The following ZNF469 variants were observed in gnomAD, a reference collection of about 807,000 sequenced individuals.
The protein encoded by ZNF469 is zinc finger protein 469.
In ZNF469, 1 loss-of-function variant was observed where a neutral mutation model predicts 1.0. The ratio of observed to expected loss-of-function variants is 1.00; its 90% CI spans 0.35 to 4.73. ZNF469 has a LOEUF of 4.73. Among genes scored for constraint, ZNF469 ranks in the 30% most tolerant of loss-of-function variants. The pLI is 0.16. For synonymous variants in ZNF469, 2,703 were observed against 2,363.4 expected (o/e 1.14, Z -4.17); for missense variants, 6,100 against 5,356.3 (o/e 1.14, Z -4.33).
At chr16:88,150,809 A>G in the ZNF469 span, among the ~76,000 whole-genome samples, 1 of 151,852 alleles carries the variant, frequency 6.6e-6, no homozygotes, top group Non-Finnish European at 1.5e-5. Flanking sequence ...AAGAACATGA[A>G]ACTGGCCCGG....
the ZNF469 span, among the ~76,000 whole-genome samples, chr16:88,122,020 T>A: frequency 7.0e-6 from 1 of 143,800 alleles, no homozygotes; most frequent in African/African-American, 2.9e-5. Flanking sequence ...GCCACTCGGA[T>A]CACACTCTGT....
the ZNF469 span, among the ~76,000 whole-genome samples, chr16:88,279,240 G>C: frequency 6.8e-6 from 1 of 147,240 alleles, no homozygotes; most frequent in Non-Finnish European, 1.5e-5. Context: ...TGCACGGTTA[G>C]TGCTGTGCCA....
At chr16:88,386,098 C>A (rs1375682007) in intron 1 of ZNF469, among the ~76,000 whole-genome samples, 1 of 152,172 alleles carries the variant, frequency 6.6e-6, no homozygotes, top group East Asian at 1.9e-4. Context: ...CCTTCCCCAT[C>A]TTCTTCCCAG....
At chr16:88,312,127 A>T in the ZNF469 span, among the ~76,000 whole-genome samples, 1 of 152,174 alleles carries the variant, frequency 6.6e-6, no homozygotes, top group Non-Finnish European at 1.5e-5. Context: ...AACCCATCAG[A>T]TCTCATGAGA....
At chr16:88,112,989 A>C in the ZNF469 span, among the ~76,000 whole-genome samples, 2 of 151,862 alleles carry the variant, frequency 1.3e-5, no homozygotes, top group African/African-American at 2.4e-5. Context: ...CGTGTTAGCC[A>C]GGATGGTCTC....
the ZNF469 span, among the ~76,000 whole-genome samples, chr16:88,250,959 A>T: frequency 6.6e-6 from 1 of 150,774 alleles, no homozygotes; most frequent in East Asian, 2.0e-4. Context: ...CTCACTGCAA[A>T]CTCTGCCTCC....
the ZNF469 span, among the ~76,000 whole-genome samples, chr16:88,315,039 A>G: frequency 1.3e-5 from 2 of 151,986 alleles, no homozygotes; most frequent in African/African-American, 2.4e-5. Flanking sequence ...GGTGTGGACT[A>G]TCATCTCTGT....
At chr16:88,135,940 T>C in the ZNF469 span, among the ~76,000 whole-genome samples, 2 of 151,892 alleles carry the variant, frequency 1.3e-5, no homozygotes, top group Non-Finnish European at 2.9e-5. Flanking sequence ...TTTTGTATTT[T>C]AGTAGAGACG....
the ZNF469 span, among the ~76,000 whole-genome samples, chr16:88,162,121 G>A: frequency 9.9e-5 from 15 of 152,154 alleles, no homozygotes; most frequent in Admixed American, 5.9e-4. Context: ...GGCTGAAAGA[G>A]CCACACATCT....
the ZNF469 span, among the ~76,000 whole-genome samples, chr16:88,280,305 G>A: frequency 6.6e-6 from 1 of 151,776 alleles, no homozygotes; most frequent in East Asian, 1.9e-4. Context: ...AGTCAGTATC[G>A]TGTAGATATC....
intron 1 of ZNF469, among the ~76,000 whole-genome samples, chr16:88,386,967 T>C (rs1382590690): frequency 6.6e-6 from 1 of 152,176 alleles, no homozygotes; most frequent in East Asian, 1.9e-4. Flanking sequence ...TGCAATCGTA[T>C]ACTTCAGAGC....
At chr16:88,370,505 C>T in the ZNF469 span, among the ~76,000 whole-genome samples, 1 of 152,086 alleles carries the variant, frequency 6.6e-6, no homozygotes, top group African/African-American at 2.4e-5. Context: ...CTTGGACGAT[C>T]GGCTAAGGAA....
At chr16:88,412,393 C>T (rs1426451202) in intron 1 of ZNF469, among the ~76,000 whole-genome samples, 2 of 152,156 alleles carry the variant, frequency 1.3e-5, no homozygotes, top group African/African-American at 2.4e-5. Context: ...CTCGCTTAAC[C>T]TCTCTGAGCC....
chr16:88,438,509 C>A lies in ZNF469; in HGVS notation c.11039C>A (p.Ser3680Ter). ...ATKPAGCQSS[S>*]KDRSAASTPS... ...AAGCCTGCGGGCTGCCAGAGCTCAT[C>A]AAAGGACAGGTCGGCAGCATCCACC... is the stretch of plus-strand genomic sequence containing the variant. The change falls in exon 3 of 3, where the codon TCA becomes TAA. Residue 3680 changes from serine to a stop codon, truncating the protein, a stop_gained. Coordinates refer to ENST00000565624, the MANE Select transcript of ZNF469 (RefSeq NM_001367624.2). LOFTEE classifies it low-confidence loss of function (END_TRUNC). 1.9e-6 allele frequency: 3 copies of A among 1,550,158 alleles called. No individual in the cohort carries two copies. The highest frequency in any genetic ancestry group is 2.6e-6 in the Non-Finnish European group (3 of 1,146,962).
chr16:88,116,381 C>G, the ZNF469 span, among the ~76,000 whole-genome samples: 6 of 152,234 alleles, frequency 3.9e-5, no homozygotes, highest in African/African-American at 1.4e-4. Flanking sequence ...AGTGTAGACA[C>G]AGGACCTGGA....
At position 88,392,093 on chromosome 16, in the gene ZNF469, T is replaced by C. The variant is rs143246437; in HGVS notation, c.-192+8839T>C. On this transcript the variant is annotated intron_variant, in intron 1 of 2. Coordinates refer to ENST00000565624, the MANE Select transcript of ZNF469 (RefSeq NM_001367624.2). ...GATTTTGGAGCCACATTTAAAAATATGTAAAGAAACAGATGAAGTTAATTG... is the reference window on the plus strand; with the variant it reads ...GATTTTGGAGCCACATTTAAAAATACGTAAAGAAACAGATGAAGTTAATTG... 6.9e-3 allele frequency among the ~76,000 whole-genome samples: 1,054 copies of C among 152,340 alleles called. 38 individuals are homozygous for C. The highest frequency in any genetic ancestry group is 6.2e-3 in the East Asian group (32 of 5,192).
rs1038495051 is a variant in ZNF469, at chr16:88,436,341, C to T, written c.8871C>T (p.Gly2957=). 2 of 1,549,614 alleles carry T rather than the reference C, an allele frequency of 1.3e-6. No homozygotes were observed. The highest frequency in any genetic ancestry group is 2.0e-5 in the Admixed American group (1 of 50,990). Residue 2957 remains glycine, a synonymous_variant, in exon 3 of 3, where the codon GGC becomes GGT. Coordinates refer to ENST00000565624, the MANE Select transcript of ZNF469 (RefSeq NM_001367624.2). ...RVPGIDPWAP[G]LSLWALEPSR... is the part of the protein sequence containing the mutation. ...CTGGCATTGACCCCTGGGCCCCCGG[C>T]CTCAGCCTGTGGGCCCTGGAGCCCA...
chr16:88,324,935 A>C, the ZNF469 span, among the ~76,000 whole-genome samples: 1 of 152,150 alleles, frequency 6.6e-6, no homozygotes, highest in African/African-American at 2.4e-5. Flanking sequence ...GAAGCATGGT[A>C]GCTTCTGCTT....
the ZNF469 span, among the ~76,000 whole-genome samples, chr16:88,368,512 G>C: frequency 1.3e-5 from 2 of 152,196 alleles, no homozygotes; most frequent in African/African-American, 4.8e-5. Flanking sequence ...GCAGCCTCTG[G>C]GGAGAGTGCA....
Sources: gnomAD v4.1 joint callset for allele counts (sites outside exome capture counted in the v4.1 genomes callset) on GRCh38, gnomAD v4.1.1 for gene constraint, MANE v1.5 for transcripts, NCBI Gene and HGNC (gene_info 2026-07-23, HGNC 2026-07-21) for gene names.